The following SGTA variants were observed in gnomAD, a reference collection of about 807,000 sequenced individuals.
SGTA encodes small glutamine-rich tetratricopeptide repeat-containing protein alpha.
SGTA carries 22 observed loss-of-function variants against 44.3 expected under a neutral mutation model. The ratio of observed to expected loss-of-function variants is 0.50; its 90% CI spans 0.36 to 0.71. The LOEUF (loss-of-function observed/expected upper bound fraction) is 0.71. Ranked by LOEUF, SGTA falls within the 30% of genes least tolerant of loss-of-function variation. The pLI is 0.00. For missense variants in SGTA, 341 were observed against 435.9 expected, an observed-to-expected ratio of 0.78 and a Z score of 1.94; for synonymous variants, 174 against 177.6, an observed-to-expected ratio of 0.98 and a Z score of 0.16.
chr19:2,760,000 T>C (rs966656071), intron 8 of SGTA, among the ~76,000 whole-genome samples: 4 of 152,086 alleles, frequency 2.6e-5, no homozygotes, highest in African/African-American at 9.7e-5. Context: ...AATAGCACTA[T>C]ACTGGGCACT....
chr19:2,757,628 C>T (rs1189380855), intron 10 of SGTA, 65 bp downstream of exon 10: 7 of 1,459,756 alleles, frequency 4.8e-6, no homozygotes, highest in Admixed American at 2.3e-5. Context: ...CTCCTCCTTC[C>T]CTTCCGCCTG....
Position 2,759,245 on chromosome 19 carries a change from GTT to G in SGTA, c.737+10_737+11del. On this transcript the variant is annotated intron_variant, in intron 9 of 11. Coordinates refer to ENST00000221566, the MANE Select transcript of SGTA (RefSeq NM_003021.4). ...CCACAACAAGACCCGAAGAAACCCGGTTGTCACTTACAGCTGCTGAATCTGGG... is the reference window on the plus strand; with the variant it reads ...CCACAACAAGACCCGAAGAAACCCGGGTCACTTACAGCTGCTGAATCTGGG... The G allele has an allele frequency of 6.2e-7, 1 of 1,613,468 alleles. No homozygotes were observed. Among genetic ancestry groups the G allele is most frequent in the Non-Finnish European group, 8.5e-7 (1 of 1,179,434 alleles).
rs1329505564 is a variant in SGTA, at chr19:2,761,528, G to T, written c.637-6C>A. ...AAGCTGCCCACGCCTCCCGTCTGAG[G>T]ATGAGAACAGCCCTGGTTAGTGGGG... is the stretch of plus-strand genomic sequence containing the variant. On this transcript the variant is annotated splice_polypyrimidine_tract_variant and splice_region_variant and intron_variant, in intron 7 of 11. Coordinates refer to ENST00000221566, the MANE Select transcript of SGTA (RefSeq NM_003021.4). The surrounding 1 kb of genome is among the most constrained non-coding windows in gnomAD (Gnocchi z 5.7). The T allele has an allele frequency of 1.3e-6, 2 of 1,551,076 alleles. No homozygotes were observed. The highest frequency in any genetic ancestry group is 1.4e-5 in the African/African-American group (1 of 73,010).
rs773566180 is a variant in SGTA, at chr19:2,765,138, GC to G, written c.392+47del. 7.4e-6 allele frequency: 10 copies of G among 1,350,378 alleles called. No individual in the cohort carries two copies. The East Asian group carries it at 1.8e-4, about 25-fold the overall frequency. The allele number at this position is 1,350,378 out of a possible 1,614,324, so 83.6% of individuals were successfully genotyped here. A position where few individuals can be genotyped will look rare whatever the true frequency, so the allele number is the denominator to read the frequency against. ...GTCCCTGCTAAGCATCCCGGAGGAC[GC>G]CCCCGCACCCGGCCGCCCCTGCCCT... On this transcript the variant is annotated intron_variant, in intron 5 of 11. Coordinates refer to ENST00000221566, the MANE Select transcript of SGTA (RefSeq NM_003021.4). This position sits in a 1 kb window ranked among gnomAD's most constrained non-coding sequence, Gnocchi z 5.5.
intron 9 of SGTA, among the ~76,000 whole-genome samples, chr19:2,758,653 G>A (rs527331382): frequency 1.4e-4 from 22 of 152,302 alleles, no homozygotes; most frequent in African/African-American, 5.1e-4. Context: ...CAAGAGAAAC[G>A]AAAACAGGAT....
intron 1 of SGTA, among the ~76,000 whole-genome samples, chr19:2,773,244 A>T (rs1353533810): frequency 6.6e-5 from 1 of 15,092 alleles, no homozygotes; most frequent in African/African-American, 1.3e-3. Flanking sequence ...CGGCAGGGAC[A>T]CCGAGGGCAG....
Position 2,762,495 on chromosome 19 carries a change from G to A in SGTA, c.636+11C>T, listed in dbSNP as rs189810627. ...CGGCGTTCTGGAGCCACTCGCCCCCGCTGCACTCACGGGGCTGGGGGCCTC... is the reference window on the plus strand; with the variant it reads ...CGGCGTTCTGGAGCCACTCGCCCCCACTGCACTCACGGGGCTGGGGGCCTC... On this transcript the variant is annotated intron_variant, in intron 7 of 11. Transcript: ENST00000221566. 1.0e-3 allele frequency: 1,612 copies of A among 1,613,448 alleles called. 13 individuals are homozygous for A. The Middle Eastern group carries it at 0.013, about 13-fold the overall frequency.
At chr19:2,777,369 T>C (rs905444961) in intron 1 of SGTA, 8 of 150,294 alleles carry the variant, frequency 5.3e-5, no homozygotes, top group African/African-American at 1.8e-4. Flanking sequence ...CTGGGCAACA[T>C]AGGGAGACCC....
At chr19:2,780,984 G>A (rs1266026479) in intron 1 of SGTA, among the ~76,000 whole-genome samples, 1 of 152,170 alleles carries the variant, frequency 6.6e-6, no homozygotes, top group Non-Finnish European at 1.5e-5. Context: ...TACTCAGGAG[G>A]CTGAGGTGGG....
At chr19:2,759,864 G>A (rs1353926312) in intron 8 of SGTA, among the ~76,000 whole-genome samples, 2 of 152,152 alleles carry the variant, frequency 1.3e-5, no homozygotes, top group East Asian at 3.9e-4. Context: ...GGAAACTGAG[G>A]CACAAGAATC....
chr19:2,778,660 T>C (rs1915500335), intron 1 of SGTA, among the ~76,000 whole-genome samples: 2 of 152,146 alleles, frequency 1.3e-5, no homozygotes, highest in South Asian at 2.1e-4. Flanking sequence ...CTGTGTCCCA[T>C]GATCATTTGC....
chr19:2,758,915 G>A (rs563956397), intron 9 of SGTA, among the ~76,000 whole-genome samples: 3 of 152,260 alleles, frequency 2.0e-5, no homozygotes, highest in East Asian at 1.9e-4. Flanking sequence ...CCATTTCTAC[G>A]AAATGTCCAG....
chr19:2,760,449 C>T (rs565854611), intron 8 of SGTA, among the ~76,000 whole-genome samples: 5 of 127,198 alleles, frequency 3.9e-5, no homozygotes, highest in East Asian at 5.4e-4. Context: ...ACCTGGGAGG[C>T]GGAGGTTGCA....
At chr19:2,757,820 C>A in intron 9 of SGTA, 38 bp from the exon 10 acceptor site, 1 of 1,421,466 alleles carries the variant, frequency 7.0e-7, no homozygotes, top group Non-Finnish European at 9.5e-7. Context: ...CCGGGACAGC[C>A]TGACCGCCAC....
chr19:2,764,608 T>C (rs116796809), intron 5 of SGTA, among the ~76,000 whole-genome samples: 3,354 of 152,190 alleles, frequency 0.022, 101 homozygotes, highest in African/African-American at 0.076. Flanking sequence ...AGAGTCTCCC[T>C]GTCACCCAAG....
chr19:2,770,272 C>T (rs186065791), intron 1 of SGTA: 1 of 153,892 alleles, frequency 6.5e-6, no homozygotes, highest in East Asian at 1.9e-4. Context: ...ATGGTGACAT[C>T]AGGAGAGGCT....
chr19:2,767,887 GC>G lies in SGTA; in HGVS notation c.101-202del, dbSNP rs1221012546. Among the ~76,000 whole-genome samples the G allele has an allele frequency of 6.6e-6, 1 of 152,164 alleles. No individual in the cohort carries two copies. The highest frequency in any genetic ancestry group is 1.5e-5 in the Non-Finnish European group (1 of 68,018). On this transcript the variant is annotated intron_variant, in intron 2 of 11. Transcript: ENST00000221566. This position sits in a 1 kb window ranked among gnomAD's most constrained non-coding sequence, Gnocchi z 7.3. Reference sequence around the variant, plus strand: ...CCGAAAAGAAAAGCCAGACAGAGACGCCCCGTGCCCCTGAGAGCAGCAGAGG... The same window carrying G: ...CCGAAAAGAAAAGCCAGACAGAGACGCCCGTGCCCCTGAGAGCAGCAGAGG...
intron 1 of SGTA, among the ~76,000 whole-genome samples, chr19:2,778,969 G>A (rs887687368): frequency 6.6e-6 from 1 of 152,118 alleles, no homozygotes; most frequent in African/African-American, 2.4e-5. Context: ...CAGGTCTGTC[G>A]CCTGTGGCAC....
intron 2 of SGTA, among the ~76,000 whole-genome samples, chr19:2,768,065 C>A (rs768384959): frequency 6.6e-6 from 1 of 152,096 alleles, no homozygotes; most frequent in African/African-American, 2.4e-5. Context: ...CCTCCAAGGG[C>A]GCCTGGCCTG....
Sources: allele counts gnomAD v4.1 joint callset (sites outside exome capture counted in the v4.1 genomes callset), GRCh38; gene constraint gnomAD v4.1.1; non-coding constraint Gnocchi (gnomAD v3.1); transcripts MANE v1.5; gene names NCBI Gene and HGNC (gene_info 2026-07-23, HGNC 2026-07-21).